Variants in FRMD4B observed in about 807,000 individuals in gnomAD.
FRMD4B encodes the protein FERM domain containing 4B, also known as FERM domain-containing protein 4B.
Under a neutral mutation model 141.5 loss-of-function variants are expected in FRMD4B, and 74 were observed. The ratio of observed to expected loss-of-function variants is 0.52; its 90% confidence interval spans 0.43 to 0.63. The LOEUF (loss-of-function observed/expected upper bound fraction) is 0.63, where lower values mean the gene tolerates loss of function less well. FRMD4B is among the 30% of genes least tolerant of loss of function. FRMD4B has a pLI of 0.00. For synonymous variants in FRMD4B, 506 were observed against 467.9 expected (o/e 1.08, Z -1.05); for missense variants, 1,366 against 1,253.4 (o/e 1.09, Z -1.36).
At chr3:69,269,399 G>A (rs2093584046) in intron 5 of FRMD4B, among the ~76,000 whole-genome samples, 2 of 151,666 alleles carry the variant, frequency 1.3e-5, no homozygotes, top group South Asian at 2.1e-4. Context: ...CCCTTCATAG[G>A]TGGGGAGACT....
chr3:69,193,729 G>T lies in FRMD4B; in HGVS notation c.1633C>A (p.Leu545Ile). Residue 545 changes from leucine (L) to isoleucine (I), a missense_variant, in exon 17 of 23, where the codon CTT (leucine) becomes ATT (isoleucine). By Grantham distance (5) the Leu-to-Ile change is conservative. Coordinates refer to ENST00000398540, the MANE Select transcript of FRMD4B (RefSeq NM_015123.3). ...TTTATTGCATTTTCAATCTCCTGAA[G>T]CTTTTTCATCGCATCTGTGTAATCT... is the stretch of plus-strand genomic sequence containing the variant. Reference protein sequence around the residue: ...KQDYTDAMKKLQEIENAINEY... With the variant: ...KQDYTDAMKKIQEIENAINEY... 6.2e-7 allele frequency: 1 copy of T among 1,613,616 alleles called. No individual in the cohort carries two copies. The highest frequency in any genetic ancestry group is 8.5e-7 in the Non-Finnish European group (1 of 1,179,636).
At chr3:69,262,452 C>T (rs1017629975) in intron 5 of FRMD4B, among the ~76,000 whole-genome samples, 12 of 136,954 alleles carry the variant, frequency 8.8e-5, no homozygotes, top group African/African-American at 2.6e-4. Context: ...GCAAGGTACA[C>T]AAATGACTTT....
chr3:69,475,970 T>G (rs1310730657), intron 1 of FRMD4B, among the ~76,000 whole-genome samples: 1 of 151,764 alleles, frequency 6.6e-6, no homozygotes, highest in Admixed American at 6.5e-5. Context: ...TGATGAGCAT[T>G]TTTTCATATG....
At chr3:69,231,997 C>T (rs1559738090) in intron 7 of FRMD4B, among the ~76,000 whole-genome samples, 1 of 152,100 alleles carries the variant, frequency 6.6e-6, no homozygotes, top group Non-Finnish European at 1.5e-5. Context: ...GGTCTGGCTT[C>T]TGCACAGAAG....
At chr3:69,265,885 G>C (rs550701286) in intron 5 of FRMD4B, among the ~76,000 whole-genome samples, 11 of 152,162 alleles carry the variant, frequency 7.2e-5, no homozygotes, top group African/African-American at 2.6e-4. Context: ...AGCCTGGACT[G>C]TCTTATCATG....
chr3:69,267,418 T>C (rs1207975556), intron 5 of FRMD4B, among the ~76,000 whole-genome samples: 1 of 151,948 alleles, frequency 6.6e-6, no homozygotes, highest in East Asian at 1.9e-4. Context: ...TCAGAGCAAT[T>C]TGAATAAAGA....
chr3:69,464,285 T>C (rs1036669391), intron 1 of FRMD4B, among the ~76,000 whole-genome samples: 4 of 152,224 alleles, frequency 2.6e-5, no homozygotes, highest in African/African-American at 9.6e-5. Flanking sequence ...CCAGGAGGTT[T>C]TCTGGTAACA....
chr3:69,201,451 T>C (rs2092966862), intron 11 of FRMD4B, among the ~76,000 whole-genome samples: 1 of 152,182 alleles, frequency 6.6e-6, no homozygotes, highest in Admixed American at 6.5e-5. Context: ...TAAAAGTTTA[T>C]ATATATAAAA....
chr3:69,172,457 A>G (rs1262403920), intron 22 of FRMD4B, among the ~76,000 whole-genome samples: 1 of 152,142 alleles, frequency 6.6e-6, no homozygotes, highest in African/African-American at 2.4e-5. Context: ...TCACTTATTA[A>G]TGAGTTAAAC....
intron 5 of FRMD4B, among the ~76,000 whole-genome samples, chr3:69,251,561 CA>C (rs1477233884): frequency 6.6e-6 from 1 of 152,216 alleles, no homozygotes; most frequent in East Asian, 1.9e-4. Flanking sequence ...CCTTATATTA[CA>C]AGATGAAAAC....
chr3:69,319,597 C>A (rs993149418), intron 1 of FRMD4B, among the ~76,000 whole-genome samples: 1 of 152,088 alleles, frequency 6.6e-6, no homozygotes, highest in African/African-American at 2.4e-5. Flanking sequence ...TGGCACCCAG[C>A]GAGGCACTTT....
At chr3:69,383,598 C>T (rs1160388830) in intron 1 of FRMD4B, among the ~76,000 whole-genome samples, 1 of 152,210 alleles carries the variant, frequency 6.6e-6, no homozygotes, top group African/African-American at 2.4e-5. Flanking sequence ...CTCCCTCTGT[C>T]ACTTAGGCTG....
chr3:69,187,869 T>C lies in FRMD4B; in HGVS notation c.1820A>G (p.His607Arg). ...CTTGGGGGGAAGAATTCTTGGAGAA[T>C]GAGGTACTGAACTTGATCGCTGCCC... ...FPGQRSSSVP[H>R]SPRILPPKSL... The change falls in exon 19 of 23, where the codon CAT becomes CGT. Residue 607 changes from histidine (H) to arginine (R), a missense_variant. His to Arg is a conservative substitution (Grantham distance 29). Transcript: ENST00000398540. The C allele has an allele frequency of 6.2e-7, 1 of 1,608,974 alleles. No homozygotes were observed. Among genetic ancestry groups the C allele is most frequent in the East Asian group, 2.2e-5 (1 of 44,778 alleles).
chr3:69,231,224 TG>T (rs1171775126), intron 7 of FRMD4B, among the ~76,000 whole-genome samples: 1 of 152,050 alleles, frequency 6.6e-6, no homozygotes, highest in Non-Finnish European at 1.5e-5. Flanking sequence ...CAATATACAG[TG>T]GGGGGCAGGA....
chr3:69,306,711 T>C (rs1701405292), intron 3 of FRMD4B: 1 of 152,190 alleles, frequency 6.6e-6, no homozygotes, highest in African/African-American at 2.4e-5. Context: ...TTTTTCCGTT[T>C]CTCCTCTTGG....
intron 7 of FRMD4B, among the ~76,000 whole-genome samples, chr3:69,245,764 A>G (rs1391187280): frequency 2.0e-5 from 3 of 149,860 alleles, no homozygotes; most frequent in African/African-American, 7.4e-5. Flanking sequence ...CCTGGGTTCA[A>G]GCAATTATCT....
chr3:69,436,799 A>G (rs933201204), intron 1 of FRMD4B, among the ~76,000 whole-genome samples: 17 of 152,246 alleles, frequency 1.1e-4, no homozygotes, highest in Admixed American at 2.6e-4. Context: ...ATGTTACAAC[A>G]TAAATGAGTC....
At chr3:69,232,620 G>A (rs1325797965) in intron 7 of FRMD4B, among the ~76,000 whole-genome samples, 1 of 152,080 alleles carries the variant, frequency 6.6e-6, no homozygotes, top group Non-Finnish European at 1.5e-5. Context: ...CAAAACTGAG[G>A]CTACTCTTTG....
chr3:69,356,938 G>A (rs536950930), intron 1 of FRMD4B, among the ~76,000 whole-genome samples: 9 of 152,158 alleles, frequency 5.9e-5, no homozygotes, highest in African/African-American at 1.7e-4. Flanking sequence ...GCTCAAGCTG[G>A]TTCTGATTTT....
Sources: allele counts gnomAD v4.1 joint callset (sites outside exome capture counted in the v4.1 genomes callset), GRCh38; gene constraint gnomAD v4.1.1; transcripts MANE v1.5; gene names NCBI Gene and HGNC (gene_info 2026-07-23, HGNC 2026-07-21).